Variants in IL1RAP observed in about 807,000 individuals in gnomAD.
The protein encoded by IL1RAP is interleukin 1 receptor accessory protein, also known as interleukin-1 receptor accessory protein.
Under a neutral mutation model 60.7 loss-of-function variants are expected in IL1RAP, and 35 were observed. That is an observed-to-expected ratio of 0.58 (90% CI 0.44 to 0.76). The LOEUF (loss-of-function observed/expected upper bound fraction) is 0.76, where lower values mean the gene tolerates loss of function less well. Among genes scored for constraint, IL1RAP ranks in the 30% least tolerant of loss-of-function variants. IL1RAP has a pLI of 0.00. For missense variants in IL1RAP, 572 were observed against 693.9 expected, an observed-to-expected ratio of 0.82 and a Z score of 1.97; for synonymous variants, 268 against 250.9, an observed-to-expected ratio of 1.07 and a Z score of -0.64.
At chr3:190,607,220 C>T (rs181746771) in intron 4 of IL1RAP, among the ~76,000 whole-genome samples, 1 of 152,138 alleles carries the variant, frequency 6.6e-6, no homozygotes, top group African/African-American at 2.4e-5. Flanking sequence ...TATGTGATGC[C>T]TCCCAAATGT....
At chr3:190,551,036 G>A (rs1422987227) in intron 1 of IL1RAP, among the ~76,000 whole-genome samples, 1 of 152,186 alleles carries the variant, frequency 6.6e-6, no homozygotes, top group East Asian at 1.9e-4. Context: ...ACCTTTTAAA[G>A]CTGAGCCTAA....
chr3:190,652,087 T>A (rs1246660856), downstream of IL1RAP, among the ~76,000 whole-genome samples: 1 of 152,090 alleles, frequency 6.6e-6, no homozygotes, highest in East Asian at 1.9e-4. Context: ...TTTGAATAAA[T>A]CAGTGATTAA....
rs940737962 is a variant in IL1RAP at position 190,649,088 on chromosome 3, G to T, written c.*383G>T. The T allele has an allele frequency of 4.0e-6, 4 of 990,560 alleles. No individual in the cohort carries two copies. Among genetic ancestry groups the T allele is most frequent in the African/African-American group, 1.7e-5 (1 of 57,352 alleles). 61.4% of individuals were successfully genotyped at this position (990,560 alleles called of 1,614,324 possible). ...TTTAAAATAAGTCACTGTTGACAGG[G>T]TCATGAGTTTCCGAGTATAGTTTTC... On this transcript the variant is annotated 3_prime_UTR_variant, in exon 12 of 12. Transcript: ENST00000447382.
chr3:190,655,808 C>T, downstream of IL1RAP: 1 of 1,029,442 alleles, frequency 9.7e-7, no homozygotes, highest in Non-Finnish European at 1.4e-6. Context: ...CATTCCCTGT[C>T]CTCTGGAGGA....
In IL1RAP at chr3:190,628,156, C is replaced by A. The variant is rs112868038; in HGVS notation, c.902+707C>A. 6.7e-3 allele frequency among the ~76,000 whole-genome samples: 1,018 copies of A among 152,126 alleles called. 11 individuals are homozygous for A. The highest frequency in any genetic ancestry group is 0.021 in the African/African-American group (869 of 41,488). ...AAGCGTTGGCAAAGTGGAAAGTGTG[C>A]GTCCTTGAAGACAGAAGGTTCCACT... is the stretch of plus-strand genomic sequence containing the variant. On this transcript the variant is annotated intron_variant, in intron 8 of 11. Coordinates refer to ENST00000447382, the MANE Select transcript of IL1RAP (RefSeq NM_002182.4).
At chr3:190,624,961 C>T (rs765784861) in intron 7 of IL1RAP, 5 of 175,286 alleles carry the variant, frequency 2.9e-5, no homozygotes, top group African/African-American at 7.2e-5. Flanking sequence ...GTGATGTTTC[C>T]GAGGGTGCTC....
At chr3:190,543,482 A>G (rs1226544419) in intron 1 of IL1RAP, among the ~76,000 whole-genome samples, 1 of 152,180 alleles carries the variant, frequency 6.6e-6, no homozygotes, top group African/African-American at 2.4e-5. Context: ...ATAGTACAAG[A>G]TAAAAAAGCA....
At chr3:190,538,499 A>G (rs754464027) in intron 1 of IL1RAP, among the ~76,000 whole-genome samples, 6 of 152,210 alleles carry the variant, frequency 3.9e-5, no homozygotes, top group Non-Finnish European at 8.8e-5. Flanking sequence ...TGCTTTGCAC[A>G]CAGCAGGAGC....
intron 6 of IL1RAP, among the ~76,000 whole-genome samples, chr3:190,621,943 A>C (rs1453043663): frequency 7.1e-6 from 1 of 141,588 alleles, no homozygotes; most frequent in African/African-American, 2.9e-5. Flanking sequence ...AAAAATTAGG[A>C]GTACTGAATA....
chr3:190,587,054 G>A (rs758850432), intron 3 of IL1RAP, among the ~76,000 whole-genome samples: 3 of 152,176 alleles, frequency 2.0e-5, no homozygotes, highest in Admixed American at 1.3e-4. Flanking sequence ...ATTTTTCAGA[G>A]TCAGGCTAGA....
At chr3:190,630,384 A>T (rs1240576140) in intron 9 of IL1RAP, 2 of 96,514 alleles carry the variant, frequency 2.1e-5, no homozygotes, top group Admixed American at 2.9e-4. Context: ...AAAAGTAATG[A>T]TGAGTTATCA....
chr3:190,593,365 C>T (rs1729108433), intron 3 of IL1RAP, among the ~76,000 whole-genome samples: 1 of 152,206 alleles, frequency 6.6e-6, no homozygotes, highest in Admixed American at 6.5e-5. Flanking sequence ...CTCTTGATGA[C>T]TTAGTCAGTG....
At chr3:190,614,182 A>C (rs886341802) in intron 5 of IL1RAP, among the ~76,000 whole-genome samples, 3 of 150,750 alleles carry the variant, frequency 2.0e-5, no homozygotes, top group African/African-American at 7.3e-5. Flanking sequence ...TTTAATCCTC[A>C]TAGACTTATT....
intron 5 of IL1RAP, among the ~76,000 whole-genome samples, chr3:190,615,776 C>T (rs1251210756): frequency 6.6e-6 from 1 of 152,060 alleles, no homozygotes; most frequent in African/African-American, 2.4e-5. Flanking sequence ...AATATTTGCT[C>T]TTCCAGACTA....
intron 9 of IL1RAP, chr3:190,642,223 G>C (rs1456622195): frequency 2.6e-5 from 4 of 152,214 alleles, no homozygotes; most frequent in Non-Finnish European, 4.4e-5. Context: ...GGTAGATTCA[G>C]CTTATCTGGC....
chr3:190,572,982 G>T lies in IL1RAP; in HGVS notation c.64+8629G>T, dbSNP rs1216416681. ...GGGTTCACGCCATTCTCCTGCCTCA[G>T]CCTCCCGAGTAGCTGGGACTACAGG... On this transcript the variant is annotated intron_variant, in intron 3 of 11. Coordinates refer to ENST00000447382, the MANE Select transcript of IL1RAP (RefSeq NM_002182.4). 5.6e-5 allele frequency among the ~76,000 whole-genome samples: 5 copies of T among 89,968 alleles called. 1 individual carries two copies. The highest frequency in any genetic ancestry group is 9.4e-5 in the Non-Finnish European group (4 of 42,712). The allele number at this position is 89,968 out of a possible 152,430, so 59.0% of individuals were successfully genotyped here. A position where few individuals can be genotyped will look rare whatever the true frequency, so the allele number is the denominator to read the frequency against.
At chr3:190,556,315 C>A (rs1725424958) in intron 2 of IL1RAP, 99 bp downstream of exon 2, 1 of 151,858 alleles carries the variant, frequency 6.6e-6, no homozygotes, top group African/African-American at 2.4e-5. Context: ...TTAAACAAAA[C>A]CAAGCAAAAA....
chr3:190,543,870 G>T (rs1309549788), intron 1 of IL1RAP, among the ~76,000 whole-genome samples: 4 of 152,164 alleles, frequency 2.6e-5, no homozygotes, highest in African/African-American at 9.7e-5. Context: ...TGAGCAAATT[G>T]CTTTGGGCTT....
At chr3:190,524,353 A>C (rs2108518420) in intron 1 of IL1RAP, among the ~76,000 whole-genome samples, 1 of 152,098 alleles carries the variant, frequency 6.6e-6, no homozygotes, top group East Asian at 1.9e-4. Flanking sequence ...AAGCTCTTTA[A>C]TTAGATCCTA....
Sources: gnomAD v4.1 joint callset for allele counts (sites outside exome capture counted in the v4.1 genomes callset) on GRCh38, gnomAD v4.1.1 for gene constraint, MANE v1.5 for transcripts, NCBI Gene and HGNC (gene_info 2026-07-23, HGNC 2026-07-21) for gene names.